The following DMD variants were observed in gnomAD, a reference collection of about 807,000 sequenced individuals.
DMD encodes the protein dystrophin, also known as mutant dystrophin.
DMD carries 63 observed loss-of-function variants against 330.1 expected under a neutral mutation model. The observed-to-expected ratio is 0.19, with a 90% confidence interval of 0.16 to 0.24. The LOEUF (loss-of-function observed/expected upper bound fraction) is 0.24, where lower values mean the gene tolerates loss of function less well. DMD is among the 10% of genes least tolerant of loss of function. The probability of loss-of-function intolerance (pLI) is 1.00; values close to 1 mark genes in which losing one functional copy is unlikely to be tolerated. For missense variants in DMD, 3,344 were observed against 2,684.1 expected (o/e 1.25, Z -5.43); for synonymous variants, 1,223 against 959.8 (o/e 1.27, Z -5.07).
chrX:32,118,001 A>G (rs2096618284), intron 44 of DMD, among the ~76,000 whole-genome samples: 1 of 111,201 alleles, frequency 9.0e-6, no homozygotes, highest in African/African-American at 3.3e-5. Flanking sequence ...CGTAAGGCTT[A>G]TAACTGTAAA....
chrX:31,976,723 T>C (rs899286049), intron 44 of DMD, among the ~76,000 whole-genome samples: 2 of 111,720 alleles, frequency 1.8e-5, no homozygotes, highest in Non-Finnish European at 3.8e-5. Context: ...TCAAAATATG[T>C]TTTGAGAAAG....
At chrX:32,791,509 C>G (rs779164386) in intron 7 of DMD, among the ~76,000 whole-genome samples, 4 of 111,682 alleles carry the variant, frequency 3.6e-5, no homozygotes, top group Non-Finnish European at 5.6e-5. Flanking sequence ...CAACTGCACC[C>G]TAAGCTACTG....
chrX:32,780,980 T>TGG (rs1354689836), intron 7 of DMD, among the ~76,000 whole-genome samples: 1 of 108,114 alleles, frequency 9.2e-6, no homozygotes, highest in African/African-American at 3.4e-5. Flanking sequence ...TAGCCGGGCA[T>TGG]GGTGGCAGGC....
intron 47 of DMD, among the ~76,000 whole-genome samples, chrX:31,912,781 C>T (rs1369257402): frequency 8.9e-6 from 1 of 111,819 alleles, no homozygotes; most frequent in Non-Finnish European, 1.9e-5. Context: ...GATTATTTGG[C>T]AGCCCCACAA....
chrX:32,604,040 CAACA>C (rs2056459527), intron 12 of DMD, among the ~76,000 whole-genome samples: 1 of 110,430 alleles, frequency 9.1e-6, no homozygotes, highest in Admixed American at 9.7e-5. Context: ...GGTAAGGACA[CAACA>C]AAAAGGAAAC....
At chrX:33,319,835 T>C (rs747445562) in intron 1 of DMD, among the ~76,000 whole-genome samples, 1 of 111,954 alleles carries the variant, frequency 8.9e-6, no homozygotes, top group South Asian at 3.7e-4. Context: ...TACATTGTAA[T>C]ACTCCATTAA....
At chrX:31,811,625 T>G (rs993125864) in intron 50 of DMD, among the ~76,000 whole-genome samples, 3 of 112,299 alleles carry the variant, frequency 2.7e-5, no homozygotes, top group African/African-American at 9.7e-5. Context: ...TCACATTTTT[T>G]GTACAAAAGC....
chrX:31,769,513 C>T (rs1040969066), intron 51 of DMD, among the ~76,000 whole-genome samples: 3 of 111,868 alleles, frequency 2.7e-5, no homozygotes, highest in Admixed American at 1.9e-4. Context: ...TCAGCTGTAT[C>T]CAATCTTTTG....
chrX:33,189,344 T>G (rs969580974), intron 1 of DMD, among the ~76,000 whole-genome samples: 18 of 111,608 alleles, frequency 1.6e-4, no homozygotes, highest in African/African-American at 5.6e-4. Context: ...AGTATCCGTG[T>G]AACACTGATA....
intron 2 of DMD, among the ~76,000 whole-genome samples, chrX:32,914,387 A>G (rs1255701065): frequency 8.9e-6 from 1 of 112,398 alleles, no homozygotes; most frequent in East Asian, 2.8e-4. Context: ...AGCGACTCAT[A>G]GAAAAGGATT....
At chrX:32,369,141 C>T (rs1356848715) in intron 34 of DMD, among the ~76,000 whole-genome samples, 1 of 111,475 alleles carries the variant, frequency 9.0e-6, no homozygotes, top group East Asian at 2.8e-4. Flanking sequence ...TATTATTTTC[C>T]ATATGTTACT....
At chrX:31,321,681 C>T (rs948898268) in intron 62 of DMD, among the ~76,000 whole-genome samples, 1 of 106,852 alleles carries the variant, frequency 9.4e-6, no homozygotes, top group Non-Finnish European at 1.9e-5. Flanking sequence ...GACAGAGCCT[C>T]TAAGACTAGA....
At chrX:33,110,692 C>A (rs1376316582) in intron 1 of DMD, among the ~76,000 whole-genome samples, 1 of 110,952 alleles carries the variant, frequency 9.0e-6, no homozygotes, top group African/African-American at 3.3e-5. Context: ...TTTTTCCTAT[C>A]ATGGTTCATG....
At chrX:33,061,653 G>T (rs908088408) in intron 1 of DMD, among the ~76,000 whole-genome samples, 1 of 111,410 alleles carries the variant, frequency 9.0e-6, no homozygotes, top group Admixed American at 9.6e-5. Context: ...TCCATGATGC[G>T]GTTTTGTACC....
rs373155125 is a variant in DMD at position 33,114,764 on chromosome X, G to A, written c.32-94564C>T. On this transcript the variant is annotated intron_variant, in intron 1 of 78. Coordinates refer to ENST00000357033, the MANE Select transcript of DMD (RefSeq NM_004006.3). ...TAACACTAGCTTTACTCTGAAAGTA[G>A]AATCTGTGCTTCATTAATAGTGCCT... is the stretch of plus-strand genomic sequence containing the variant. Among the ~76,000 whole-genome samples the A allele has an allele frequency of 5.3e-4, 59 of 112,028 alleles. 1 individual carries two copies. In the Middle Eastern group the frequency reaches 0.028, roughly 53 times the overall value.
chrX:33,008,315 T>G (rs1020166062), intron 2 of DMD, among the ~76,000 whole-genome samples: 2 of 111,480 alleles, frequency 1.8e-5, no homozygotes, highest in East Asian at 5.7e-4. Context: ...CAGTTAAAGT[T>G]ATATCAGTAC....
At chrX:32,548,660 A>G (rs893251136) in intron 16 of DMD, among the ~76,000 whole-genome samples, 5 of 112,024 alleles carry the variant, frequency 4.5e-5, no homozygotes, top group Admixed American at 2.9e-4. Flanking sequence ...TGCACAGTGT[A>G]TATTTCTGTA....
At chrX:32,766,746 G>A (rs192822275) in intron 7 of DMD, among the ~76,000 whole-genome samples, 20 of 111,171 alleles carry the variant, frequency 1.8e-4, no homozygotes, top group Non-Finnish European at 3.0e-4. Flanking sequence ...TGCTCATTTC[G>A]AAGCTGCTAA....
intron 44 of DMD, among the ~76,000 whole-genome samples, chrX:32,095,407 T>G (rs893810660): frequency 9.0e-6 from 1 of 111,690 alleles, no homozygotes; most frequent in African/African-American, 3.3e-5. Context: ...ATTCTCTAAG[T>G]ACTCTTGAGT....
Sources: allele counts gnomAD v4.1 joint callset (sites outside exome capture counted in the v4.1 genomes callset), GRCh38; gene constraint gnomAD v4.1.1; transcripts MANE v1.5; gene names NCBI Gene and HGNC (gene_info 2026-07-23, HGNC 2026-07-21).